Variants in PJA2 observed in about 807,000 individuals in gnomAD.
PJA2 encodes the protein E3 ubiquitin-protein ligase Praja-2.
Under a neutral mutation model 69.3 loss-of-function variants are expected in PJA2, and 25 were observed. The observed-to-expected ratio is 0.36, with a 90% CI of 0.26 to 0.50. PJA2 has a LOEUF of 0.50. Ranked by LOEUF, PJA2 falls within the 20% of genes least tolerant of loss-of-function variation. The probability of loss-of-function intolerance (pLI) is 0.96; values close to 1 mark genes in which losing one functional copy is unlikely to be tolerated. For missense variants in PJA2, 809 were observed against 830.2 expected, an observed-to-expected ratio of 0.97 and a Z score of 0.31; for synonymous variants, 308 against 277.8, an observed-to-expected ratio of 1.11 and a Z score of -1.08.
At chr5:109,385,015 C>A (rs1489843796) in intron 1 of PJA2, among the ~76,000 whole-genome samples, 1 of 152,236 alleles carries the variant, frequency 6.6e-6, no homozygotes, top group South Asian at 2.1e-4. Flanking sequence ...CAGGGTTTCA[C>A]CATATTGGTC....
chr5:109,395,229 T>C (rs1306902944), intron 1 of PJA2, among the ~76,000 whole-genome samples: 1 of 152,018 alleles, frequency 6.6e-6, no homozygotes, highest in Admixed American at 6.6e-5. Flanking sequence ...AATAAAAATA[T>C]AACTTAAAAG....
At chr5:109,364,483 C>T (rs960852812) in intron 5 of PJA2, among the ~76,000 whole-genome samples, 9 of 150,954 alleles carry the variant, frequency 6.0e-5, no homozygotes, top group South Asian at 2.1e-4. Flanking sequence ...ATTAGCCGGG[C>T]GTAGTGGCGG....
intron 1 of PJA2, among the ~76,000 whole-genome samples, chr5:109,395,331 C>T (rs1747383154): frequency 6.6e-6 from 1 of 152,048 alleles, no homozygotes; most frequent in Non-Finnish European, 1.5e-5. Context: ...GAGCTCAAGA[C>T]CAGCCTGAGC....
intron 6 of PJA2, among the ~76,000 whole-genome samples, chr5:109,357,988 T>C (rs1399883719): frequency 6.6e-6 from 1 of 152,246 alleles, no homozygotes; most frequent in Non-Finnish European, 1.5e-5. Flanking sequence ...ATCATGTACT[T>C]GGCAGTCACC....
At chr5:109,382,840 T>A (rs999741031) in intron 2 of PJA2, among the ~76,000 whole-genome samples, 2 of 136,810 alleles carry the variant, frequency 1.5e-5, no homozygotes, top group African/African-American at 5.6e-5. Context: ...AGTTCGAAAC[T>A]CCATCTCAAA....
At chr5:109,407,989 C>A (rs981035752) in intron 1 of PJA2, among the ~76,000 whole-genome samples, 3 of 151,990 alleles carry the variant, frequency 2.0e-5, no homozygotes, top group Non-Finnish European at 4.4e-5. Context: ...CTAAAGTTTA[C>A]CTAGAAGAAG....
At chr5:109,364,830 G>T (rs1400010191) in intron 5 of PJA2, among the ~76,000 whole-genome samples, 2 of 151,222 alleles carry the variant, frequency 1.3e-5, no homozygotes, top group Admixed American at 1.3e-4. Context: ...GGAGGCAAAG[G>T]ATATAATAAT....
Position 109,378,787 on chromosome 5 carries a change from C to G in PJA2, c.700G>C (p.Asp234His). The G allele has an allele frequency of 6.2e-7, 1 of 1,612,612 alleles. No homozygotes were observed. The highest frequency in any genetic ancestry group is 8.5e-7 in the Non-Finnish European group (1 of 1,180,008). Residue 234 changes from aspartate (D) to histidine (H), a missense_variant, in exon 4 of 10, where the codon GAT becomes CAT. Physicochemically the swap from Asp to His is moderately conservative, Grantham distance 81. Coordinates refer to ENST00000361189, the MANE Select transcript of PJA2 (RefSeq NM_014819.5). ...GAACTTTTCACTAATGGTACAGAAT[C>G]TAACTCTTCAAACTCATCTCTTACT... ...CEVRDEFEEL[D>H]SVPLVKSSAG... is the part of the protein sequence containing the mutation.
In PJA2 at chr5:109,335,080, A is replaced by G. The variant is rs1761915536; in HGVS notation, c.*2151T>C. 6.6e-6 allele frequency: 1 copy of G among 152,640 alleles called. No homozygotes were observed. The highest frequency in any genetic ancestry group is 6.5e-5 in the Admixed American group (1 of 15,280). The allele number at this position is 152,640 out of a possible 1,614,324, so 9.5% of individuals were successfully genotyped here. On this transcript the variant is annotated 3_prime_UTR_variant, in exon 10 of 10. Transcript: ENST00000361189. ...ATACTTATTTCTAATTTACCTTCAT[A>G]TAGTCTTAACTTTTTCAAAAGGATC...
At chr5:109,404,398 GTAA>G (rs1483082932) in intron 1 of PJA2, among the ~76,000 whole-genome samples, 2 of 151,938 alleles carry the variant, frequency 1.3e-5, no homozygotes, top group Non-Finnish European at 2.9e-5. Flanking sequence ...ACATACGCCT[GTAA>G]TCCCAGCTAC....
At chr5:109,354,282 TAGATATCTATGATATCTAG>T (rs1049148308) in intron 7 of PJA2, among the ~76,000 whole-genome samples, 2 of 148,234 alleles carry the variant, frequency 1.3e-5, no homozygotes, top group South Asian at 2.2e-4. Context: ...ATCTATAGAT[TAGATATCTATGATATCTAG>T]AGATATCTAT....
At chr5:109,342,878 T>TG (rs756987255) in intron 9 of PJA2, among the ~76,000 whole-genome samples, 479 of 5,680 alleles carry the variant, frequency 0.084, 42 homozygotes, top group Middle Eastern at 0.17. Flanking sequence ...GGGAGGGAGG[T>TG]GGGGGGGGGG....
rs1762136417 is a variant in PJA2, at chr5:109,344,184, A to G, written c.2001+6T>C. The G allele has an allele frequency of 1.3e-6, 2 of 1,541,326 alleles. No individual in the cohort carries two copies. Among genetic ancestry groups the G allele is most frequent in the South Asian group, 2.4e-5 (2 of 84,504 alleles). ...TTTTTAAATTTTTAATTATTCTATC[A>G]CTCACCTTTTGTAGCCAAATTGAGA... On this transcript the variant is annotated splice_donor_region_variant and intron_variant, in intron 9 of 9. Coordinates refer to ENST00000361189, the MANE Select transcript of PJA2 (RefSeq NM_014819.5).
intron 6 of PJA2, among the ~76,000 whole-genome samples, chr5:109,361,621 A>C (rs946321451): frequency 1.1e-4 from 17 of 152,230 alleles, no homozygotes; most frequent in African/African-American, 3.4e-4. Context: ...GAGACACAGA[A>C]ACGGAGGAAA....
chr5:109,383,541 G>T, intron 1 of PJA2, 21 bp from the exon 2 acceptor site: 2 of 865,048 alleles, frequency 2.3e-6, no homozygotes, highest in Non-Finnish European at 3.6e-6. Flanking sequence ...ACAATGAATT[G>T]AACAATATAT....
At chr5:109,361,986 C>T (rs560219965) in intron 6 of PJA2, among the ~76,000 whole-genome samples, 1 of 152,258 alleles carries the variant, frequency 6.6e-6, no homozygotes, top group African/African-American at 2.4e-5. Flanking sequence ...TTCTGGAAAC[C>T]TGAAGAGATA....
chr5:109,409,174 G>A (rs964721219), intron 1 of PJA2: 1 of 152,156 alleles, frequency 6.6e-6, no homozygotes, highest in Admixed American at 6.6e-5. Context: ...AATTAAAGGT[G>A]CATCTGCAAG....
Position 109,356,016 on chromosome 5 carries a change from C to T in PJA2, c.1663G>A (p.Gly555Ser). The T allele has an allele frequency of 1.2e-6, 2 of 1,603,754 alleles. No homozygotes were observed. The highest frequency in any genetic ancestry group is 1.7e-6 in the Non-Finnish European group (2 of 1,175,478). The change falls in exon 7 of 10, where the codon GGC becomes AGC. Residue 555 changes from glycine to serine, a missense_variant. Around this residue, in one of 4 missense-constraint regions of PJA2, gnomAD observed 700 missense variants for 639.5 expected, o/e 1.09. Transcript: ENST00000361189. ...GCAACTCCTAGTCCATCTGCAAAGC[C>T]ATCAAATAGGCTGAAAAAAAAAAAA... ...DLDVDWSLFD[G>S]FADGLGVAEA...
rs751338511 is a variant in PJA2 at position 109,379,058 on chromosome 5, C to T, written c.429G>A (p.Glu143=). Residue 143 remains glutamate (E), a synonymous_variant, in exon 4 of 10, where the codon GAG becomes GAA. Transcript: ENST00000361189. ...GSSTNLHNHS[E]GEYIPGACSA... ...TACAAGCTCCTGGAATATACTCTCCCTCAGAGTGATTATGAAGATTTGTAC... is the reference window on the plus strand; with the variant it reads ...TACAAGCTCCTGGAATATACTCTCCTTCAGAGTGATTATGAAGATTTGTAC... 1.2e-6 allele frequency: 2 copies of T among 1,613,996 alleles called. No homozygotes were observed. Among genetic ancestry groups the T allele is most frequent in the Non-Finnish European group, 1.7e-6 (2 of 1,180,006 alleles).
Sources: allele counts gnomAD v4.1 joint callset (sites outside exome capture counted in the v4.1 genomes callset), GRCh38; gene constraint gnomAD v4.1.1; regional missense constraint gnomAD v4.1.1; transcripts MANE v1.5; gene names NCBI Gene and HGNC (gene_info 2026-07-23, HGNC 2026-07-21).